The following IFIT3 variants were observed in gnomAD, a reference collection of about 807,000 sequenced individuals.
IFIT3 encodes interferon-induced protein with tetratricopeptide repeats 3.
Under a neutral mutation model 2.4 loss-of-function variants are expected in IFIT3, and 2 were observed. The ratio of observed to expected loss-of-function variants is 0.82; its 90% CI spans 0.34 to 2.60. The LOEUF (loss-of-function observed/expected upper bound fraction) is 2.60, where lower values mean the gene tolerates loss of function less well. Among genes scored for constraint, IFIT3 ranks in the 30% most tolerant of loss-of-function variants. The pLI, the probability that IFIT3 is intolerant of heterozygous loss-of-function variation, is 0.11. For synonymous variants in IFIT3, 203 were observed against 212.1 expected (o/e 0.96, Z 0.37); for missense variants, 481 against 562.4 (o/e 0.86, Z 1.46).
In IFIT3 at chr10:89,339,503, G is replaced by A; in HGVS notation, c.848G>A (p.Cys283Tyr). 1 of 1,614,174 alleles carries A rather than the reference G, an allele frequency of 6.2e-7. No individual in the cohort carries two copies. The highest frequency in any genetic ancestry group is 1.1e-5 in the South Asian group (1 of 91,086). ...GGCTACCTCTATCACCAGATTGGGT[G>A]CTGCTACAAGGCAAAAGTAAGACAA... Reference protein sequence around the residue: ...NNGYLYHQIGCCYKAKVRQMQ... With the variant: ...NNGYLYHQIGYCYKAKVRQMQ... Residue 283 changes from cysteine to tyrosine, a missense_variant, in exon 2 of 2, where the codon TGC (cysteine) becomes TAC (tyrosine). Cys to Tyr is a radical substitution (Grantham distance 194, BLOSUM62 -2). Coordinates refer to ENST00000371818, the MANE Select transcript of IFIT3 (RefSeq NM_001549.6).
rs548100409 is a variant in IFIT3, at chr10:89,339,510, C to T, written c.855C>T (p.Tyr285=). ...GYLYHQIGCC[Y]KAKVRQMQNT... ...TCTATCACCAGATTGGGTGCTGCTA[C>T]AAGGCAAAAGTAAGACAAATGCAGA... The change falls in exon 2 of 2, where the codon TAC becomes TAT. Residue 285 remains tyrosine (Y), a synonymous_variant. Coordinates refer to ENST00000371818, the MANE Select transcript of IFIT3 (RefSeq NM_001549.6). 1 of 1,614,030 alleles carries T rather than the reference C, an allele frequency of 6.2e-7. No individual in the cohort carries two copies. Among genetic ancestry groups the T allele is most frequent in the Non-Finnish European group, 8.5e-7 (1 of 1,179,968 alleles).
intron 1 of IFIT3, among the ~76,000 whole-genome samples, chr10:89,330,657 G>C (rs1843640697): frequency 6.6e-6 from 1 of 152,212 alleles, no homozygotes; most frequent in Admixed American, 6.5e-5. Flanking sequence ...AAGGATAAGG[G>C]AATGAGGCTC....
In IFIT3 at chr10:89,340,213, G is replaced by C; in HGVS notation, c.*85G>C. On this transcript the variant is annotated 3_prime_UTR_variant, in exon 2 of 2. Coordinates refer to ENST00000371818, the MANE Select transcript of IFIT3 (RefSeq NM_001549.6). ...ATAGGAAGACAGGGGGCCCCAACCTGGGATTGCTGAGCAGGGAAGCTTTGC... is the reference window on the plus strand; with the variant it reads ...ATAGGAAGACAGGGGGCCCCAACCTCGGATTGCTGAGCAGGGAAGCTTTGC... 3 of 1,392,316 alleles carry C rather than the reference G, an allele frequency of 2.2e-6. No homozygotes were observed. In the East Asian group the frequency reaches 7.1e-5, roughly 33 times the overall value. The allele number at this position is 1,392,316 out of a possible 1,614,324, so 86.2% of individuals were successfully genotyped here. A position where few individuals can be genotyped will look rare whatever the true frequency, so the allele number is the denominator to read the frequency against.
intron 1 of IFIT3, among the ~76,000 whole-genome samples, chr10:89,329,171 G>A (rs550912224): frequency 6.6e-6 from 1 of 152,134 alleles, no homozygotes; most frequent in Non-Finnish European, 1.5e-5. Context: ...GACCATTCAG[G>A]GGGGCAGAAA....
intron 1 of IFIT3, among the ~76,000 whole-genome samples, chr10:89,329,065 C>A (rs1028563916): frequency 6.6e-6 from 1 of 152,012 alleles, no homozygotes; most frequent in Non-Finnish European, 1.5e-5. Flanking sequence ...CAGGGGATAG[C>A]ATGTTAGGGA....
intron 1 of IFIT3, chr10:89,335,678 T>G (rs1349897061): frequency 1.8e-4 from 2 of 11,382 alleles, no homozygotes; most frequent in African/African-American, 2.4e-3. Flanking sequence ...TACTCTCTAT[T>G]AATTACTAGT....
intron 1 of IFIT3, among the ~76,000 whole-genome samples, chr10:89,329,132 G>A (rs1564787281): frequency 6.6e-6 from 1 of 152,148 alleles, no homozygotes; most frequent in South Asian, 2.1e-4. Context: ...GGAGTGAGGA[G>A]GTGATTGCCA....
intron 1 of IFIT3, chr10:89,332,505 A>G: frequency 6.3e-7 from 1 of 1,586,736 alleles, no homozygotes; most frequent in African/African-American, 1.4e-5. Context: ...CTTTCATAAA[A>G]GCACAGACCT....
chr10:89,340,377 T>G lies in IFIT3; in HGVS notation c.*249T>G. On this transcript the variant is annotated 3_prime_UTR_variant, in exon 2 of 2. Transcript: ENST00000371818. ...TTTGAGACCATCCTGGCTAACACAGTGAAATCCCGTCTCTACTAAAAATAC... is the reference window on the plus strand; with the variant it reads ...TTTGAGACCATCCTGGCTAACACAGGGAAATCCCGTCTCTACTAAAAATAC... The G allele has an allele frequency of 3.4e-6, 1 of 293,400 alleles. No homozygotes were observed. Among genetic ancestry groups the G allele is most frequent in the Non-Finnish European group, 6.4e-6 (1 of 155,810 alleles). The allele number at this position is 293,400 out of a possible 1,614,324, so 18.2% of individuals were successfully genotyped here.
intron 1 of IFIT3, chr10:89,332,448 T>C: frequency 6.9e-7 from 1 of 1,455,244 alleles, no homozygotes; most frequent in Non-Finnish European, 9.1e-7. Context: ...CAGTTTCCCC[T>C]CAAGAGGGAT....
chr10:89,333,861 A>G (rs528195354), intron 1 of IFIT3, among the ~76,000 whole-genome samples: 6 of 152,310 alleles, frequency 3.9e-5, no homozygotes, highest in Admixed American at 2.0e-4. Flanking sequence ...CTGAATCCAG[A>G]TCTGCATTTT....
At position 89,340,064 on chromosome 10, in the gene IFIT3, T is replaced by A. The variant is rs753245712; in HGVS notation, c.1409T>A (p.Met470Lys). The A allele has an allele frequency of 1.3e-5, 21 of 1,613,892 alleles. No individual in the cohort carries two copies. In the African/African-American group the frequency reaches 2.4e-4, roughly 18 times the overall value. ...ASELEDGSEE[M>K]GQGAVSSSPR... ...GAGCTTGAGGATGGTAGTGAGGAAA[T>A]GGGCCAGGGCGCAGTCAGCTCCAGT... is the stretch of plus-strand genomic sequence containing the variant. Residue 470 changes from methionine to lysine, a missense_variant, in exon 2 of 2, where the codon ATG becomes AAG. Met to Lys is a moderately conservative substitution (Grantham distance 95). Transcript: ENST00000371818.
Position 89,340,080 on chromosome 10 carries a change from C to A in IFIT3, c.1425C>A (p.Val475=). ...GTGAGGAAATGGGCCAGGGCGCAGT[C>A]AGCTCCAGTCCCAGAGAGCTCCTCT... The part of the protein sequence containing the change: ...DGSEEMGQGA[V]SSSPRELLSN... Residue 475 remains valine, a synonymous_variant, in exon 2 of 2, where the codon GTC becomes GTA. Transcript: ENST00000371818. 1 of 1,612,450 alleles carries A rather than the reference C, an allele frequency of 6.2e-7. No homozygotes were observed. Among genetic ancestry groups the A allele is most frequent in the Non-Finnish European group, 8.5e-7 (1 of 1,179,086 alleles).
intron 1 of IFIT3, 114 bp downstream of exon 1, chr10:89,328,192 G>A: frequency 2.9e-6 from 3 of 1,029,108 alleles, no homozygotes; most frequent in Non-Finnish European, 4.5e-6. Context: ...GATTCAATAT[G>A]TCTTTATCAG....
intron 1 of IFIT3, among the ~76,000 whole-genome samples, chr10:89,331,481 C>T (rs1226816076): frequency 6.6e-6 from 1 of 152,148 alleles, no homozygotes; most frequent in African/African-American, 2.4e-5. Context: ...CCAACATTTT[C>T]CATACAGAGG....
intron 1 of IFIT3, among the ~76,000 whole-genome samples, chr10:89,329,435 G>A (rs1843628950): frequency 6.6e-6 from 1 of 152,158 alleles, no homozygotes; most frequent in African/African-American, 2.4e-5. Flanking sequence ...CTTTAGGTGT[G>A]TCTATAGCCA....
intron 1 of IFIT3, among the ~76,000 whole-genome samples, chr10:89,334,781 G>T (rs11203072): frequency 1.1e-4 from 17 of 151,590 alleles, no homozygotes; most frequent in Non-Finnish European, 2.4e-4. Context: ...GTGAGCCACC[G>T]CGCCCGGCCA....
chr10:89,333,168 G>A (rs1484937296), intron 1 of IFIT3, among the ~76,000 whole-genome samples: 3 of 152,070 alleles, frequency 2.0e-5, no homozygotes, highest in African/African-American at 7.2e-5. Flanking sequence ...CCTCTAGCAG[G>A]TCTAGTGACC....
chr10:89,335,173 T>A (rs1261691470), intron 1 of IFIT3, among the ~76,000 whole-genome samples: 2 of 152,116 alleles, frequency 1.3e-5, no homozygotes, highest in African/African-American at 4.8e-5. Context: ...ATCAAGAGAA[T>A]CAAGGGACCC....
Sources: gnomAD v4.1 joint callset for allele counts (sites outside exome capture counted in the v4.1 genomes callset) on GRCh38, gnomAD v4.1.1 for gene constraint, MANE v1.5 for transcripts, NCBI Gene and HGNC (gene_info 2026-07-23, HGNC 2026-07-21) for gene names.